Variants in LIM2 observed in about 807,000 individuals in gnomAD.
The protein encoded by LIM2 is lens fiber membrane intrinsic protein.
A neutral mutation model predicts 19.0 loss-of-function variants in LIM2; 14 were observed. That is an observed-to-expected ratio of 0.74 (90% CI 0.49 to 1.15). The LOEUF (loss-of-function observed/expected upper bound fraction) is 1.15, where lower values mean the gene tolerates loss of function less well. Among genes scored for constraint, LIM2 ranks in the 50% most tolerant of loss-of-function variants. LIM2 has a pLI of 0.00. For synonymous variants in LIM2, 78 were observed against 89.6 expected (o/e 0.87, Z 0.73); for missense variants, 230 against 243.5 (o/e 0.94, Z 0.37).
intron 2 of LIM2, among the ~76,000 whole-genome samples, chr19:51,385,903 T>G (rs1263592508): frequency 6.6e-6 from 1 of 152,154 alleles, no homozygotes; most frequent in Non-Finnish European, 1.5e-5. Context: ...GCTTAGCTCT[T>G]CTTCTCAGCT....
intron 1 of LIM2, 126 bp from the exon 2 acceptor site, chr19:51,387,575 G>A (rs568461981): frequency 1.3e-4 from 175 of 1,380,238 alleles, no homozygotes; most frequent in Non-Finnish European, 1.6e-4. Context: ...AGACCTAGAC[G>A]CCTGGGTCCT....
chr19:51,387,487 T>TC, intron 1 of LIM2, 38 bp from the exon 2 acceptor site: 1 of 1,610,554 alleles, frequency 6.2e-7, no homozygotes, highest in Non-Finnish European at 8.5e-7. Flanking sequence ...GGAGCTGAAT[T>TC]CCCGGGACTT....
intron 2 of LIM2, among the ~76,000 whole-genome samples, chr19:51,386,589 CAT>C (rs1306717492): frequency 3.5e-5 from 5 of 144,278 alleles, no homozygotes; most frequent in Admixed American, 7.3e-5. Context: ...GATTCTACAT[CAT>C]ATATAATATA....
At chr19:51,380,905 A>G (rs1358750509) in intron 3 of LIM2, among the ~76,000 whole-genome samples, 2 of 152,076 alleles carry the variant, frequency 1.3e-5, no homozygotes, top group Non-Finnish European at 2.9e-5. Context: ...GAGAAACAAT[A>G]TTTGGAACTT....
At chr19:51,383,027 CTTTTT>C (rs1163859181) in intron 2 of LIM2, among the ~76,000 whole-genome samples, 1,894 of 88,162 alleles carry the variant, frequency 0.021, 7 homozygotes, top group African/African-American at 0.072. Context: ...TTTTTCTTTT[CTTTTT>C]TTTTTTTTTT....
Position 51,386,670 on chromosome 19 carries a change from A to G in LIM2, c.175+599T>C, listed in dbSNP as rs550657214. 4.0e-5 allele frequency among the ~76,000 whole-genome samples: 6 copies of G among 148,254 alleles called. No homozygotes were observed. The East Asian group carries it at 1.2e-3, about 29-fold the overall frequency. ...ATATATTATGTATTAGTAATTTATT[A>G]TATAATAGAGGTGCATGTATAATAC... On this transcript the variant is annotated intron_variant, in intron 2 of 4. Coordinates refer to ENST00000596399, the MANE Select transcript of LIM2 (RefSeq NM_001161748.2).
intron 3 of LIM2, among the ~76,000 whole-genome samples, chr19:51,381,814 C>T (rs1986899084): frequency 6.6e-6 from 1 of 152,216 alleles, no homozygotes; most frequent in African/African-American, 2.4e-5. Flanking sequence ...CAAGCTCCGC[C>T]TCCTGAGTTC....
intron 3 of LIM2, among the ~76,000 whole-genome samples, chr19:51,382,185 C>T (rs953907038): frequency 6.6e-6 from 1 of 151,684 alleles, no homozygotes; most frequent in African/African-American, 2.4e-5. Flanking sequence ...GAGTCAAACA[C>T]AAATTTTAGG....
intron 2 of LIM2, among the ~76,000 whole-genome samples, chr19:51,385,225 C>A (rs1043960153): frequency 6.6e-6 from 1 of 151,538 alleles, no homozygotes; most frequent in African/African-American, 2.4e-5. Flanking sequence ...AAAATCAAAT[C>A]AAATGAAATA....
intron 2 of LIM2, among the ~76,000 whole-genome samples, chr19:51,386,987 T>A (rs1987072984): frequency 6.6e-6 from 1 of 152,240 alleles, no homozygotes; most frequent in Non-Finnish European, 1.5e-5. Flanking sequence ...TAGAAAATGC[T>A]GTTTCGTGAC....
chr19:51,387,566 G>T, intron 1 of LIM2, 117 bp from the exon 2 acceptor site: 1 of 1,440,312 alleles, frequency 6.9e-7, no homozygotes, highest in Non-Finnish European at 9.5e-7. Flanking sequence ...AGGAGATGGA[G>T]ACCTAGACGC....
In LIM2 at chr19:51,380,605, A is replaced by C. The variant is rs1986870794; in HGVS notation, c.360T>G (p.Thr120=). 1 of 1,614,072 alleles carries C rather than the reference A, an allele frequency of 6.2e-7. No individual in the cohort carries two copies. Among genetic ancestry groups the C allele is most frequent in the Admixed American group, 1.7e-5 (1 of 60,000 alleles). ...GGCCCAGGAAGCTGACGGTGACTCC[A>C]GTGTAGATGGCCAAGGCCAACACGA... The part of the protein sequence containing the change: ...LFVVLALAIY[T]GVTVSFLGRR... Residue 120 remains threonine (T), a synonymous_variant, in exon 4 of 5, where the codon ACT becomes ACG. Coordinates refer to ENST00000596399, the MANE Select transcript of LIM2 (RefSeq NM_001161748.2).
At chr19:51,386,150 G>T (rs747425303) in intron 2 of LIM2, among the ~76,000 whole-genome samples, 2 of 151,154 alleles carry the variant, frequency 1.3e-5, no homozygotes, top group Non-Finnish European at 2.9e-5. Flanking sequence ...TTTAGACAGA[G>T]TCTTCGTCTG....
chr19:51,380,450 A>G, intron 4 of LIM2, 55 bp downstream of exon 4: 1 of 1,611,764 alleles, frequency 6.2e-7, no homozygotes, highest in Non-Finnish European at 8.5e-7. Context: ...CTTCCACTCT[A>G]TCTGCTGCCC....
Position 51,382,555 on chromosome 19 carries a change from G to A in LIM2, c.188C>T (p.Ala63Val), listed in dbSNP as rs779604030. The A allele has an allele frequency of 1.9e-6, 3 of 1,613,554 alleles. No homozygotes were observed. The highest frequency in any genetic ancestry group is 1.1e-5 in the South Asian group (1 of 91,062). Reference sequence around the variant, plus strand: ...AGACAGGATCATGAAGGCCCGGGTGGCATTCCAGTATGCTGTGGGAGCACC... The same window carrying A: ...AGACAGGATCATGAAGGCCCGGGTGACATTCCAGTATGCTGTGGGAGCACC... Reference protein sequence around the residue: ...LQTDSIAYWNATRAFMILSAL... With the variant: ...LQTDSIAYWNVTRAFMILSAL... Residue 63 changes from alanine to valine, a missense_variant, in exon 3 of 5, where the codon GCC (alanine) becomes GTC (valine). Coordinates refer to ENST00000596399, the MANE Select transcript of LIM2 (RefSeq NM_001161748.2).
chr19:51,380,524 C>T lies in LIM2; in HGVS notation c.441G>A (p.Val147=). The T allele has an allele frequency of 6.2e-7, 1 of 1,614,192 alleles. No homozygotes were observed. The highest frequency in any genetic ancestry group is 8.5e-7 in the Non-Finnish European group (1 of 1,180,048). ...CAGTACCTGCGAAGAACGTCATGAG[C>T]ACTGCCACCCAGCCCAGGATGTAGG... The part of the protein sequence containing the change: ...SWSYILGWVA[V]LMTFFAGIFY... Residue 147 remains valine, a synonymous_variant, in exon 4 of 5, where the codon GTG becomes GTA. Coordinates refer to ENST00000596399, the MANE Select transcript of LIM2 (RefSeq NM_001161748.2).
In LIM2 at chr19:51,382,521, G is replaced by C. The variant is rs200121972; in HGVS notation, c.222C>G (p.Cys74Trp). The change falls in exon 3 of 5, where the codon TGC becomes TGG. Residue 74 changes from cysteine to tryptophan, a missense_variant. Coordinates refer to ENST00000596399, the MANE Select transcript of LIM2 (RefSeq NM_001161748.2). ...TGCCCATGATGATGCCGGAGATGGCGCATAGGGCAGACAGGATCATGAAGG... is the reference window on the plus strand; with the variant it reads ...TGCCCATGATGATGCCGGAGATGGCCCATAGGGCAGACAGGATCATGAAGG... ...TRAFMILSAL[C>W]AISGIIMGIM... 3 of 1,613,788 alleles carry C rather than the reference G, an allele frequency of 1.9e-6. No homozygotes were observed. Among genetic ancestry groups the C allele is most frequent in the Non-Finnish European group, 2.5e-6 (3 of 1,179,914 alleles).
chr19:51,387,046 C>T (rs1049893778), intron 2 of LIM2: 2 of 810,754 alleles, frequency 2.5e-6, no homozygotes, highest in African/African-American at 1.7e-5. Flanking sequence ...CAGGAAATGC[C>T]ACCTCTCCCA....
chr19:51,385,513 C>T (rs1987014955), intron 2 of LIM2, among the ~76,000 whole-genome samples: 1 of 151,662 alleles, frequency 6.6e-6, no homozygotes, highest in Non-Finnish European at 1.5e-5. Context: ...CAGAGCGAGA[C>T]TCTGTCTGAA....
Sources: allele counts gnomAD v4.1 joint callset (sites outside exome capture counted in the v4.1 genomes callset), GRCh38; gene constraint gnomAD v4.1.1; transcripts MANE v1.5; gene names NCBI Gene and HGNC (gene_info 2026-07-23, HGNC 2026-07-21).